The following GRK5 variants were observed in gnomAD, a reference collection of about 807,000 sequenced individuals.
GRK5 encodes the protein G protein-coupled receptor kinase 5, also known as g protein-coupled receptor kinase GRK5.
In GRK5, 40 loss-of-function variants were observed where a neutral mutation model predicts 78.4. The observed-to-expected ratio is 0.51, with a 90% CI of 0.40 to 0.66. The LOEUF (loss-of-function observed/expected upper bound fraction) is 0.66, where lower values mean the gene tolerates loss of function less well. Ranked by LOEUF, GRK5 falls within the 30% of genes least tolerant of loss-of-function variation. The pLI is 0.00. For missense variants in GRK5, 598 were observed against 759.9 expected (o/e 0.79, Z 2.50); for synonymous variants, 289 against 296.8 (o/e 0.97, Z 0.27).
chr10:119,377,124 C>T (rs544515383), intron 2 of GRK5, among the ~76,000 whole-genome samples: 55 of 152,256 alleles, frequency 3.6e-4, no homozygotes, highest in African/African-American at 1.3e-3. Context: ...TTCTCCTCAC[C>T]AACCCCAACA....
chr10:119,369,583 T>G (rs1414323345), intron 2 of GRK5, among the ~76,000 whole-genome samples: 1 of 152,212 alleles, frequency 6.6e-6, no homozygotes, highest in African/African-American at 2.4e-5. Flanking sequence ...TTCCCCTCAT[T>G]TGTAAAAACT....
chr10:119,248,359 T>C (rs1849147911), intron 1 of GRK5, among the ~76,000 whole-genome samples: 1 of 152,208 alleles, frequency 6.6e-6, no homozygotes, highest in African/African-American at 2.4e-5. Flanking sequence ...GATGTGTGTG[T>C]TGATGTACAG....
intron 1 of GRK5, among the ~76,000 whole-genome samples, chr10:119,227,853 T>A (rs116472900): frequency 1.8e-4 from 27 of 152,350 alleles, no homozygotes; most frequent in African/African-American, 6.5e-4. Flanking sequence ...TGTTGCTGAC[T>A]AGAGTGTAAA....
intron 12 of GRK5, among the ~76,000 whole-genome samples, chr10:119,444,882 T>G (rs905320406): frequency 2.0e-5 from 3 of 151,822 alleles, no homozygotes; most frequent in African/African-American, 4.8e-5. Flanking sequence ...GTCCTGGGAG[T>G]TGATTAAAAG....
chr10:119,287,368 A>G (rs1371684458), intron 1 of GRK5, among the ~76,000 whole-genome samples: 1 of 8,398 alleles, frequency 1.2e-4, no homozygotes. Flanking sequence ...AGGGAGGGAG[A>G]GAGGGAGGGA....
At chr10:119,344,971 C>A (rs765549687) in intron 2 of GRK5, among the ~76,000 whole-genome samples, 2 of 136,990 alleles carry the variant, frequency 1.5e-5, no homozygotes, top group Non-Finnish European at 3.1e-5. Flanking sequence ...TCCTTCCTTT[C>A]TTTTTCTTTT....
At chr10:119,260,070 G>A (rs555723272) in intron 1 of GRK5, among the ~76,000 whole-genome samples, 22 of 151,990 alleles carry the variant, frequency 1.4e-4, no homozygotes, top group African/African-American at 2.7e-4. Context: ...AGCGATCTCC[G>A]TTCACTGCAA....
chr10:119,430,475 A>G lies in GRK5; in HGVS notation c.597+37A>G. The G allele has an allele frequency of 6.3e-7, 1 of 1,578,024 alleles. No homozygotes were observed. The highest frequency in any genetic ancestry group is 1.1e-5 in the South Asian group (1 of 89,936). ...TTCACGTTTTTAATTGAAAGTTCTT[A>G]CATTCAAGTCACCTTTCCTGTCCCT... On this transcript the variant is annotated intron_variant, in intron 7 of 15. Transcript: ENST00000392870. This position sits in a 1 kb window ranked among gnomAD's most constrained non-coding sequence, Gnocchi z 4.5.
chr10:119,359,794 C>T (rs1229953679), intron 2 of GRK5, among the ~76,000 whole-genome samples: 5 of 152,180 alleles, frequency 3.3e-5, no homozygotes, highest in Non-Finnish European at 7.3e-5. Context: ...TTTCTGCCAT[C>T]CCTGTGTTTC....
intron 4 of GRK5, among the ~76,000 whole-genome samples, chr10:119,422,057 G>GCTGTGTCCACACCCCATCTTT (rs1310072882): frequency 3.3e-5 from 5 of 152,194 alleles, no homozygotes; most frequent in Non-Finnish European, 7.3e-5. Flanking sequence ...TTGGGAGAGA[G>GCTGTGTCCACACCCCATCTTT]CTGTGTCCAC....
At chr10:119,450,178 T>C (rs1287546845) in intron 13 of GRK5, among the ~76,000 whole-genome samples, 1 of 152,212 alleles carries the variant, frequency 6.6e-6, no homozygotes, top group Non-Finnish European at 1.5e-5. Context: ...ATTGGGCTGA[T>C]GTCCGAAATT....
intron 2 of GRK5, among the ~76,000 whole-genome samples, chr10:119,357,864 C>G (rs56836384): frequency 0.056 from 8,504 of 152,076 alleles, 565 homozygotes; most frequent in African/African-American, 0.16. Flanking sequence ...TGGTGGGGCA[C>G]GCTTCCTGAC....
intron 1 of GRK5, among the ~76,000 whole-genome samples, chr10:119,225,675 T>C (rs941398012): frequency 1.6e-4 from 24 of 149,646 alleles, no homozygotes; most frequent in Admixed American, 5.3e-4. Flanking sequence ...TCTCTCTTTT[T>C]TTTTTTTTTT....
chr10:119,386,455 G>C lies in GRK5; in HGVS notation c.261+5528G>C, dbSNP rs929966091. Among the ~76,000 whole-genome samples, 13 of 152,250 alleles carry C rather than the reference G, an allele frequency of 8.5e-5. No homozygotes were observed. In the East Asian group the frequency reaches 1.2e-3, roughly 14 times the overall value. ...AGACACTTACAGTCAGTTTGAAAAG[G>C]GGGGAAAAAAATCCAATGGATGCCC... On this transcript the variant is annotated intron_variant, in intron 3 of 15. Transcript: ENST00000392870.
chr10:119,435,931 C>A (rs547365593), intron 8 of GRK5, among the ~76,000 whole-genome samples: 3 of 152,194 alleles, frequency 2.0e-5, no homozygotes, highest in Non-Finnish European at 4.4e-5. Context: ...GTGAAAGGCA[C>A]TTCTTACATG....
At chr10:119,345,742 T>G (rs895135026) in intron 2 of GRK5, among the ~76,000 whole-genome samples, 1 of 152,056 alleles carries the variant, frequency 6.6e-6, no homozygotes, top group African/African-American at 2.4e-5. Flanking sequence ...TTCAGGCCCT[T>G]GGGGAAACCC....
intron 1 of GRK5, among the ~76,000 whole-genome samples, chr10:119,262,129 T>C (rs1849418097): frequency 6.6e-6 from 1 of 152,118 alleles, no homozygotes; most frequent in Non-Finnish European, 1.5e-5. Context: ...TGTACGTGTG[T>C]GAGTTACTGA....
chr10:119,224,257 C>T (rs75524458), intron 1 of GRK5, among the ~76,000 whole-genome samples: 2,668 of 152,278 alleles, frequency 0.018, 98 homozygotes, highest in African/African-American at 0.062. Flanking sequence ...AGCCAAGTAA[C>T]AGACATAACC....
chr10:119,291,710 C>T (rs1849964565), intron 1 of GRK5, among the ~76,000 whole-genome samples: 1 of 150,240 alleles, frequency 6.7e-6, no homozygotes, highest in African/African-American at 2.5e-5. Flanking sequence ...TGATCCTCCT[C>T]CTTATCCTCA....
Sources: gnomAD v4.1 joint callset for allele counts (sites outside exome capture counted in the v4.1 genomes callset) on GRCh38, gnomAD v4.1.1 for gene constraint, Gnocchi (gnomAD v3.1) non-coding constraint, MANE v1.5 for transcripts, NCBI Gene and HGNC (gene_info 2026-07-23, HGNC 2026-07-21) for gene names.